Variants in HIVEP2 observed in about 807,000 individuals in gnomAD.
HIVEP2 encodes the protein transcription factor HIVEP2.
HIVEP2 carries 14 observed loss-of-function variants against 180.7 expected under a neutral mutation model. The observed-to-expected ratio is 0.08, with a 90% CI of 0.05 to 0.12. The LOEUF (loss-of-function observed/expected upper bound fraction) is 0.12, where lower values mean the gene tolerates loss of function less well. Ranked by LOEUF, HIVEP2 falls within the 10% of genes least tolerant of loss-of-function variation. The probability of loss-of-function intolerance (pLI) is 1.00; values close to 1 mark genes in which losing one functional copy is unlikely to be tolerated. For missense variants in HIVEP2, 2,579 were observed against 3,008.5 expected, an observed-to-expected ratio of 0.86 and a Z score of 3.34; for synonymous variants, 1,184 against 1,136.4, an observed-to-expected ratio of 1.04 and a Z score of -0.84.
At chr6:142,936,379 A>T (rs1029502095) in intron 1 of HIVEP2, among the ~76,000 whole-genome samples, 3 of 151,704 alleles carry the variant, frequency 2.0e-5, no homozygotes, top group African/African-American at 7.3e-5. Flanking sequence ...TTTAGTAGAG[A>T]TGGGGTTTCA....
chr6:142,876,486 T>C (rs564884582), intron 1 of HIVEP2, among the ~76,000 whole-genome samples: 1 of 152,058 alleles, frequency 6.6e-6, no homozygotes, highest in African/African-American at 2.4e-5. Context: ...GAAGCTTCCA[T>C]AGTAGACAGG....
chr6:142,897,064 C>T (rs765408671), intron 1 of HIVEP2, among the ~76,000 whole-genome samples: 15 of 151,878 alleles, frequency 9.9e-5, no homozygotes, highest in Non-Finnish European at 1.9e-4. Context: ...ATAGAGAAAG[C>T]CCAATAGAAA....
At chr6:142,907,755 A>C (rs987050324) in intron 1 of HIVEP2, among the ~76,000 whole-genome samples, 1 of 152,210 alleles carries the variant, frequency 6.6e-6, no homozygotes, top group Non-Finnish European at 1.5e-5. Context: ...CTCAGGACCA[A>C]TCCAAAAACG....
intron 1 of HIVEP2, among the ~76,000 whole-genome samples, chr6:142,896,107 T>A (rs1776984097): frequency 6.6e-6 from 1 of 152,210 alleles, no homozygotes. Flanking sequence ...CTGAAATGTT[T>A]GATTATTGTC....
At chr6:142,887,794 C>T (rs964042795) in intron 1 of HIVEP2, among the ~76,000 whole-genome samples, 5 of 151,954 alleles carry the variant, frequency 3.3e-5, no homozygotes, top group East Asian at 1.9e-4. Flanking sequence ...AACAAATCAC[C>T]GTTTAAAATT....
intron 2 of HIVEP2, among the ~76,000 whole-genome samples, chr6:142,802,671 A>G (rs553537214): frequency 6.6e-6 from 1 of 152,306 alleles, no homozygotes; most frequent in South Asian, 2.1e-4. Flanking sequence ...AAGAAAAAAG[A>G]AAAGCATCAT....
At chr6:142,817,395 C>T (rs1479567474) in intron 2 of HIVEP2, among the ~76,000 whole-genome samples, 7 of 152,182 alleles carry the variant, frequency 4.6e-5, no homozygotes, top group African/African-American at 1.7e-4. Context: ...GACCAGCAGT[C>T]ACATATACAC....
chr6:142,760,759 C>G, intron 8 of HIVEP2, 92 bp from the exon 9 acceptor site: 1 of 940,346 alleles, frequency 1.1e-6, no homozygotes, highest in South Asian at 1.8e-5. Context: ...AACGCTTTTC[C>G]CAATCCCTAG....
intron 1 of HIVEP2, among the ~76,000 whole-genome samples, chr6:142,866,354 T>A (rs893451971): frequency 6.6e-6 from 1 of 152,220 alleles, no homozygotes; most frequent in African/African-American, 2.4e-5. Context: ...TGTTAGCTAC[T>A]AATAAATCAC....
intron 1 of HIVEP2, among the ~76,000 whole-genome samples, chr6:142,914,600 T>A (rs1447462884): frequency 1.3e-5 from 2 of 151,948 alleles, no homozygotes; most frequent in Admixed American, 6.6e-5. Context: ...CAGGGAGAGG[T>A]TAAATGACTA....
intron 2 of HIVEP2, among the ~76,000 whole-genome samples, chr6:142,820,371 G>T (rs1776998863): frequency 6.7e-6 from 1 of 149,738 alleles, no homozygotes; most frequent in Non-Finnish European, 1.5e-5. Flanking sequence ...AAATATAATT[G>T]GGATTTTTCT....
chr6:142,770,604 C>T lies in HIVEP2; in HGVS notation c.4135G>A (p.Val1379Ile). 4 of 1,614,214 alleles carry T rather than the reference C, an allele frequency of 2.5e-6. No individual in the cohort carries two copies. The highest frequency in any genetic ancestry group is 3.4e-6 in the Non-Finnish European group (4 of 1,180,038). The change falls in exon 5 of 10, where the codon GTC becomes ATC. Residue 1379 changes from valine to isoleucine, a missense_variant. Physicochemically the swap from Val to Ile is conservative, Grantham distance 29. Coordinates refer to ENST00000367603, the MANE Select transcript of HIVEP2 (RefSeq NM_006734.4). The surrounding 1 kb of genome is among the most constrained non-coding windows in gnomAD (Gnocchi z 4.7). ...VDENMTQRTL[V>I]TNAAMQGIGF... Reference sequence around the variant, plus strand: ...ATCCCTTGCATGGCTGCGTTGGTGACCAGTGTCCTTTGGGTCATATTCTCA... The same window carrying T: ...ATCCCTTGCATGGCTGCGTTGGTGATCAGTGTCCTTTGGGTCATATTCTCA...
chr6:142,876,977 G>C (rs1270444814), intron 1 of HIVEP2, among the ~76,000 whole-genome samples: 1 of 152,142 alleles, frequency 6.6e-6, no homozygotes, highest in Non-Finnish European at 1.5e-5. Context: ...TGAGCCCAGG[G>C]GGTTGAGATT....
intron 1 of HIVEP2, among the ~76,000 whole-genome samples, chr6:142,937,245 T>A (rs552228153): frequency 6.6e-6 from 1 of 152,370 alleles, no homozygotes; most frequent in Non-Finnish European, 1.5e-5. Flanking sequence ...ACATTGTTTC[T>A]TAAACCATTT....
At chr6:142,919,469 TATAA>T (rs1467255022) in intron 1 of HIVEP2, among the ~76,000 whole-genome samples, 1 of 152,218 alleles carries the variant, frequency 6.6e-6, no homozygotes, top group Non-Finnish European at 1.5e-5. Flanking sequence ...AGGAACCGTC[TATAA>T]ATGTCTTCTA....
At chr6:142,860,435 T>A (rs915048560) in intron 1 of HIVEP2, among the ~76,000 whole-genome samples, 7 of 152,156 alleles carry the variant, frequency 4.6e-5, no homozygotes, top group African/African-American at 1.7e-4. Flanking sequence ...AAGACTGAAG[T>A]GCACTGCATG....
intron 1 of HIVEP2, among the ~76,000 whole-genome samples, chr6:142,942,965 T>C (rs1227235227): frequency 6.6e-6 from 1 of 152,194 alleles, no homozygotes; most frequent in African/African-American, 2.4e-5. Flanking sequence ...ATATAAGAAA[T>C]ATACTGCATA....
intron 1 of HIVEP2, among the ~76,000 whole-genome samples, chr6:142,918,926 A>G (rs1004194206): frequency 6.6e-6 from 1 of 152,190 alleles, no homozygotes; most frequent in Non-Finnish European, 1.5e-5. Context: ...TAACACATTC[A>G]TGTTTCTTTA....
chr6:142,919,285 G>A (rs1298756568), intron 1 of HIVEP2, among the ~76,000 whole-genome samples: 1 of 152,144 alleles, frequency 6.6e-6, no homozygotes, highest in East Asian at 1.9e-4. Context: ...TGCCCTTTAT[G>A]TGAAATATAC....
Sources: gnomAD v4.1 joint callset for allele counts (sites outside exome capture counted in the v4.1 genomes callset) on GRCh38, gnomAD v4.1.1 for gene constraint, Gnocchi (gnomAD v3.1) non-coding constraint, MANE v1.5 for transcripts, NCBI Gene and HGNC (gene_info 2026-07-23, HGNC 2026-07-21) for gene names.